The following PTPRQ variants were observed in gnomAD, a reference collection of about 807,000 sequenced individuals.
PTPRQ encodes phosphatidylinositol phosphatase PTPRQ.
A neutral mutation model predicts 246.0 loss-of-function variants in PTPRQ; 199 were observed. That is an observed-to-expected ratio of 0.81 (90% CI 0.72 to 0.91). The LOEUF is 0.91. PTPRQ is among the 40% of genes least tolerant of loss of function. The pLI is 0.00. For synonymous variants in PTPRQ, 869 were observed against 853.2 expected (o/e 1.02, Z -0.32); for missense variants, 2,624 against 2,528.4 (o/e 1.04, Z -0.81).
At chr12:80,601,071 A>C (rs1423768561) in intron 26 of PTPRQ, among the ~76,000 whole-genome samples, 1 of 151,838 alleles carries the variant, frequency 6.6e-6, no homozygotes, top group Non-Finnish European at 1.5e-5. Context: ...TTTAAATGTT[A>C]TCTGCTTAGT....
chr12:80,629,327 G>C (rs937186913), intron 33 of PTPRQ, among the ~76,000 whole-genome samples: 3 of 152,046 alleles, frequency 2.0e-5, no homozygotes, highest in African/African-American at 7.2e-5. Flanking sequence ...GGGGATTAGG[G>C]CTTCAACATA....
intron 35 of PTPRQ, among the ~76,000 whole-genome samples, chr12:80,641,293 CAT>C (rs1899847496): frequency 1.3e-5 from 2 of 152,232 alleles, no homozygotes; most frequent in Non-Finnish European, 2.9e-5. Flanking sequence ...GCGTCCCAAA[CAT>C]AATAAATTTC....
At chr12:80,577,752 A>G (rs1456202243) in intron 25 of PTPRQ, among the ~76,000 whole-genome samples, 1 of 152,156 alleles carries the variant, frequency 6.6e-6, no homozygotes, top group Non-Finnish European at 1.5e-5. Flanking sequence ...CAGATACAAA[A>G]CAATTTTAAA....
At chr12:80,539,722 G>A in intron 19 of PTPRQ, 54 bp from the exon 20 acceptor site, 22 of 1,435,504 alleles carry the variant, frequency 1.5e-5, no homozygotes, top group Non-Finnish European at 2.0e-5. Context: ...AGTTTGAAGT[G>A]TTCATGCATA....
intron 38 of PTPRQ, among the ~76,000 whole-genome samples, chr12:80,656,340 A>C (rs1017145769): frequency 5.3e-5 from 8 of 152,132 alleles, no homozygotes; most frequent in Non-Finnish European, 1.0e-4. Flanking sequence ...AGAGGATTAT[A>C]CAAAATCTGT....
chr12:80,544,788 T>G (rs1379060549), intron 23 of PTPRQ, among the ~76,000 whole-genome samples: 1 of 152,086 alleles, frequency 6.6e-6, no homozygotes, highest in African/African-American at 2.4e-5. Flanking sequence ...ATTTTCTCTG[T>G]TTTTCTATTC....
intron 5 of PTPRQ, 65 bp downstream of exon 5, chr12:80,459,548 TAGC>T: frequency 2.5e-6 from 1 of 397,762 alleles, no homozygotes. Context: ...TTCATATTTC[TAGC>T]ATCTAGATAC....
At chr12:80,463,035 G>C (rs1893254856) in intron 6 of PTPRQ, among the ~76,000 whole-genome samples, 1 of 152,194 alleles carries the variant, frequency 6.6e-6, no homozygotes, top group African/African-American at 2.4e-5. Context: ...TTCACGAGTT[G>C]AGAGAAGAAG....
In PTPRQ at chr12:80,444,393, G is replaced by A; in HGVS notation, c.48G>A (p.Glu16=). 6.8e-7 allele frequency: 1 copy of A among 1,467,452 alleles called. No individual in the cohort carries two copies. The highest frequency in any genetic ancestry group is 1.2e-5 in the South Asian group (1 of 81,828). The allele number at this position is 1,467,452 out of a possible 1,614,324, so 90.9% of individuals were successfully genotyped here. Residue 16 remains glutamate, a synonymous_variant, in exon 1 of 45, where the codon GAG becomes GAA. Coordinates refer to ENST00000644991, the MANE Select transcript of PTPRQ (RefSeq NM_001145026.2). ...IFLLLFIGTS[E]TQVDVSNVVP... ...TTTTACTTTTTATTGGGACTTCAGAGACACAGGTATTTCGTATACACTCTT... is the reference window on the plus strand; with the variant it reads ...TTTTACTTTTTATTGGGACTTCAGAAACACAGGTATTTCGTATACACTCTT...
At chr12:80,555,921 G>A (rs187613556) in intron 25 of PTPRQ, among the ~76,000 whole-genome samples, 180 of 152,130 alleles carry the variant, frequency 1.2e-3, no homozygotes, top group African/African-American at 4.1e-3. Flanking sequence ...GGTGGCATTG[G>A]GGATCTTTGC....
intron 33 of PTPRQ, among the ~76,000 whole-genome samples, chr12:80,629,438 T>C (rs182708766): frequency 9.9e-5 from 15 of 152,230 alleles, no homozygotes; most frequent in Admixed American, 9.8e-4. Flanking sequence ...CCCAGAAAGA[T>C]ATACAAGGCA....
chr12:80,613,107 A>G (rs929302285), intron 28 of PTPRQ, among the ~76,000 whole-genome samples: 5 of 150,508 alleles, frequency 3.3e-5, no homozygotes, highest in African/African-American at 1.2e-4. Flanking sequence ...AAACATGGAA[A>G]GGGGTGAAAT....
Position 80,467,069 on chromosome 12 carries a change from C to G in PTPRQ, c.911-1641C>G, listed in dbSNP as rs558963540. ...AGAAACTACCATCAGAGTGAACAGG[C>G]AACCTTCAGAATGGGAGAAAATTTT... On this transcript the variant is annotated intron_variant, in intron 6 of 44. Coordinates refer to ENST00000644991, the MANE Select transcript of PTPRQ (RefSeq NM_001145026.2). Among the ~76,000 whole-genome samples the G allele has an allele frequency of 1.5e-3, 222 of 152,292 alleles. 1 individual carries two copies. The highest frequency in any genetic ancestry group is 5.0e-3 in the African/African-American group (207 of 41,558).
chr12:80,661,742 T>A (rs917250790), intron 39 of PTPRQ, among the ~76,000 whole-genome samples: 32 of 151,792 alleles, frequency 2.1e-4, no homozygotes, highest in African/African-American at 7.0e-4. Context: ...CACTAAAATG[T>A]CATTATTTCC....
intron 44 of PTPRQ, 35 bp from the exon 45 acceptor site, chr12:80,678,951 A>C (rs952374438): frequency 3.3e-6 from 5 of 1,524,882 alleles, no homozygotes; most frequent in Non-Finnish European, 2.6e-6. Context: ...TGTTAACTTC[A>C]ACACTCTCTT....
intron 33 of PTPRQ, among the ~76,000 whole-genome samples, chr12:80,628,379 T>C (rs973022367): frequency 6.6e-6 from 1 of 152,160 alleles, no homozygotes; most frequent in African/African-American, 2.4e-5. Context: ...ATTACATAAG[T>C]ACCAATACAG....
intron 26 of PTPRQ, among the ~76,000 whole-genome samples, chr12:80,600,422 T>A (rs1592703673): frequency 6.6e-6 from 1 of 151,884 alleles, no homozygotes; most frequent in African/African-American, 2.4e-5. Context: ...AAGCCAGAGT[T>A]TTCCTTGGGA....
At chr12:80,606,930 T>C (rs1898345873) in intron 27 of PTPRQ, among the ~76,000 whole-genome samples, 1 of 150,906 alleles carries the variant, frequency 6.6e-6, no homozygotes, top group Non-Finnish European at 1.5e-5. Context: ...ACTTTATTAA[T>C]GAAAATAGTT....
At chr12:80,558,168 C>CTTTTCTTTTCTTTTCTTTTT (rs71094987) in intron 25 of PTPRQ, among the ~76,000 whole-genome samples, 1 of 35,226 alleles carries the variant, frequency 2.8e-5, no homozygotes, top group Non-Finnish European at 5.9e-5. Flanking sequence ...CTTTTCTTTT[C>CTTTTCTTTTCTTTTCTTTTT]TTTCTTTTCT....
Sources: gnomAD v4.1 joint callset for allele counts (sites outside exome capture counted in the v4.1 genomes callset) on GRCh38, gnomAD v4.1.1 for gene constraint, MANE v1.5 for transcripts, NCBI Gene and HGNC (gene_info 2026-07-23, HGNC 2026-07-21) for gene names.